Variants in OSBPL3 observed in about 807,000 individuals in gnomAD.
OSBPL3 encodes oxysterol-binding protein-related protein 3.
A neutral mutation model predicts 120.1 loss-of-function variants in OSBPL3; 65 were observed. That is an observed-to-expected ratio of 0.54 (90% confidence interval 0.44 to 0.67). The LOEUF (loss-of-function observed/expected upper bound fraction) is 0.67, where lower values mean the gene tolerates loss of function less well. OSBPL3 is among the 30% of genes least tolerant of loss of function. The pLI, the probability that OSBPL3 is intolerant of heterozygous loss-of-function variation, is 0.00. For synonymous variants in OSBPL3, 416 were observed against 402.6 expected (o/e 1.03, Z -0.40); for missense variants, 1,004 against 1,082.1 (o/e 0.93, Z 1.01).
In OSBPL3 at chr7:24,881,287, C is replaced by T. The variant is rs115008032; in HGVS notation, c.97-9218G>A. On this transcript the variant is annotated intron_variant, in intron 2 of 22. Transcript: ENST00000313367. The surrounding 1 kb of genome is among the most constrained non-coding windows in gnomAD (Gnocchi z 4.3). Reference sequence around the variant, plus strand: ...TCACAGTGCTACACAATAACTGGTTCTCATAATGAGAACCTAGTGACAATG... The same window carrying T: ...TCACAGTGCTACACAATAACTGGTTTTCATAATGAGAACCTAGTGACAATG... 0.012 allele frequency among the ~76,000 whole-genome samples: 1,807 copies of T among 152,246 alleles called. 45 individuals are homozygous for T. The highest frequency in any genetic ancestry group is 0.041 in the African/African-American group (1,722 of 41,544).
rs1207247589 is a variant in OSBPL3 at position 24,937,907 on chromosome 7, T to C, written c.-150+41979A>G. On this transcript the variant is annotated intron_variant, in intron 1 of 22. Transcript: ENST00000313367. This position sits in a 1 kb window ranked among gnomAD's most constrained non-coding sequence, Gnocchi z 4.0. ...TATGCTTCCAGAATCGAAAGGTATT[T>C]CCAAAGTATAATCCATGAATTAGGA... Among the ~76,000 whole-genome samples, 3 of 152,204 alleles carry C rather than the reference T, an allele frequency of 2.0e-5. No individual in the cohort carries two copies. Among genetic ancestry groups the C allele is most frequent in the African/African-American group, 7.2e-5 (3 of 41,452 alleles).
At chr7:24,800,446 T>A (rs1490526149) in intron 22 of OSBPL3, among the ~76,000 whole-genome samples, 167 bp from the exon 23 acceptor site, 1 of 149,374 alleles carries the variant, frequency 6.7e-6, no homozygotes, top group African/African-American at 2.5e-5. Context: ...CAGAAATAAT[T>A]TTGTTACTTT....
At chr7:24,880,213 G>T (rs557601878) in intron 2 of OSBPL3, among the ~76,000 whole-genome samples, 1 of 152,284 alleles carries the variant, frequency 6.6e-6, no homozygotes, top group East Asian at 1.9e-4. Flanking sequence ...TTACAGATGA[G>T]AAAATTGAAG....
rs1294150569 is a variant in OSBPL3 at position 24,805,878 on chromosome 7, T to TA, written c.2444+897dup. 2.0e-5 allele frequency among the ~76,000 whole-genome samples: 3 copies of TA among 152,264 alleles called. No individual in the cohort carries two copies. The highest frequency in any genetic ancestry group is 4.4e-5 in the Non-Finnish European group (3 of 68,050). Reference sequence around the variant, plus strand: ...GGCAATTCATGACATGAGTTGCAGATACGGACTTCTCCGTTTGTCATTTAT... The same window carrying TA: ...GGCAATTCATGACATGAGTTGCAGATAACGGACTTCTCCGTTTGTCATTTAT... On this transcript the variant is annotated intron_variant, in intron 21 of 22. Coordinates refer to ENST00000313367, the MANE Select transcript of OSBPL3 (RefSeq NM_015550.4). The surrounding 1 kb of genome is among the most constrained non-coding windows in gnomAD (Gnocchi z 4.0).
intron 1 of OSBPL3, among the ~76,000 whole-genome samples, chr7:24,923,290 C>G (rs562903245): frequency 1.3e-5 from 2 of 152,158 alleles, no homozygotes; most frequent in Admixed American, 1.3e-4. Flanking sequence ...CTCCTAGAAC[C>G]AGCCTCTTCC....
intron 1 of OSBPL3, among the ~76,000 whole-genome samples, chr7:24,970,099 CCTTTCTT>C (rs1438755719): frequency 2.1e-5 from 3 of 143,022 alleles, no homozygotes; most frequent in South Asian, 2.2e-4. Flanking sequence ...TCCCTTCGTC[CCTTTCTT>C]TTTTTTTTTT....
intron 1 of OSBPL3, chr7:24,906,501 T>C (rs113839781): frequency 5.6e-4 from 115 of 204,506 alleles, no homozygotes; most frequent in African/African-American, 2.6e-3. Flanking sequence ...TCTTTCATAT[T>C]CTCTTTGTAG....
rs376277463 is a variant in OSBPL3 at position 24,841,256 on chromosome 7, T to G, written c.1402-473A>C. On this transcript the variant is annotated intron_variant, in intron 13 of 22. Transcript: ENST00000313367. ...AAAGGATAATTTTTATGCATCAATT[T>G]AAAACAAATAATGCTATAAACCAAT... 2.9e-4 allele frequency among the ~76,000 whole-genome samples: 44 copies of G among 151,926 alleles called. 5 individuals carry two copies. The highest frequency in any genetic ancestry group is 1.7e-3 in the Admixed American group (26 of 15,242).
chr7:24,889,324 G>A (rs1804984407), intron 2 of OSBPL3, among the ~76,000 whole-genome samples: 1 of 152,184 alleles, frequency 6.6e-6, no homozygotes, highest in Non-Finnish European at 1.5e-5. Flanking sequence ...ACAGAGGATG[G>A]AATGGTAGTT....
At chr7:24,823,090 T>A in intron 16 of OSBPL3, among the ~76,000 whole-genome samples, 1 of 152,196 alleles carries the variant, frequency 6.6e-6, no homozygotes, top group South Asian at 2.1e-4. Flanking sequence ...TGCACTAGTG[T>A]CCGGGAACGA....
intron 10 of OSBPL3, among the ~76,000 whole-genome samples, chr7:24,860,463 T>C (rs887712758): frequency 1.3e-5 from 2 of 152,162 alleles, no homozygotes; most frequent in African/African-American, 4.8e-5. Flanking sequence ...TCTCATGAGA[T>C]CTGATGGTTT....
Position 24,938,779 on chromosome 7 carries a change from A to ATGTGTGTGTCTGTGTG in OSBPL3, c.-150+41106_-150+41107insCACACAGACACACACA, listed in dbSNP as rs1464067345. Among the ~76,000 whole-genome samples the ATGTGTGTGTCTGTGTG allele has an allele frequency of 1.4e-3, 135 of 94,250 alleles. 8 individuals are homozygous for ATGTGTGTGTCTGTGTG. The highest frequency in any genetic ancestry group is 4.5e-3 in the East Asian group (15 of 3,302). 61.8% of individuals were successfully genotyped at this position (94,250 alleles called of 152,430 possible). A position where few individuals can be genotyped will look rare whatever the true frequency, so the allele number is the denominator to read the frequency against. ...AACTGAATAATGAGGTTTTGTTTTG[A>ATGTGTGTGTCTGTGTG]TGTGTGTGTGTGTGTGTGTGTGTGT... On this transcript the variant is annotated intron_variant, in intron 1 of 22. Transcript: ENST00000313367. The surrounding 1 kb of genome is among the most constrained non-coding windows in gnomAD (Gnocchi z 5.8).
At chr7:24,950,449 G>A (rs566013748) in intron 1 of OSBPL3, among the ~76,000 whole-genome samples, 3 of 152,234 alleles carry the variant, frequency 2.0e-5, no homozygotes, top group South Asian at 2.1e-4. Flanking sequence ...TAGGCCGGGC[G>A]CGGTGGCTCA....
At chr7:24,843,018 A>G (rs1167664953) in intron 12 of OSBPL3, among the ~76,000 whole-genome samples, 1 of 152,130 alleles carries the variant, frequency 6.6e-6, no homozygotes, top group Non-Finnish European at 1.5e-5. Flanking sequence ...GGAAGTCCCC[A>G]GTCCTCTTTA....
Position 24,966,228 on chromosome 7 carries a change from C to T in OSBPL3, c.-150+13658G>A, listed in dbSNP as rs147146487. On this transcript the variant is annotated intron_variant, in intron 1 of 22. Transcript: ENST00000313367. The surrounding 1 kb of genome is among the most constrained non-coding windows in gnomAD (Gnocchi z 4.8). ...AAGAGAAATCCAGCACCTGCGGAGA[C>T]CACACACTGCACATTTTACAAAAGA... Among the ~76,000 whole-genome samples, 716 of 152,318 alleles carry T rather than the reference C, an allele frequency of 4.7e-3. 4 individuals are homozygous for T. Among genetic ancestry groups the T allele is most frequent in the Non-Finnish European group, 7.8e-3 (532 of 68,030 alleles).
In OSBPL3 at chr7:24,932,621, C is replaced by A. The variant is rs963061664; in HGVS notation, c.-149-40000G>T. On this transcript the variant is annotated intron_variant, in intron 1 of 22. Transcript: ENST00000313367. This position sits in a 1 kb window ranked among gnomAD's most constrained non-coding sequence, Gnocchi z 5.6. ...TCCCTTCCACCCTGTGAGCACACAG[C>A]AAAAAGGCACTGTCTACCAACCAAA... Among the ~76,000 whole-genome samples, 2 of 152,086 alleles carry A rather than the reference C, an allele frequency of 1.3e-5. No individual in the cohort carries two copies. The highest frequency in any genetic ancestry group is 2.9e-5 in the Non-Finnish European group (2 of 68,004).
intron 14 of OSBPL3, among the ~76,000 whole-genome samples, chr7:24,838,669 C>T (rs907357387): frequency 6.6e-6 from 1 of 152,214 alleles, no homozygotes; most frequent in South Asian, 2.1e-4. Flanking sequence ...ATTCCATTAA[C>T]TTTGTGCTTC....
At chr7:24,970,707 A>C (rs1816918481) in intron 1 of OSBPL3, among the ~76,000 whole-genome samples, 1 of 152,222 alleles carries the variant, frequency 6.6e-6, no homozygotes, top group African/African-American at 2.4e-5. Flanking sequence ...CCCTACTTCT[A>C]GGTAGCACCT....
chr7:24,863,707 T>A lies in OSBPL3; in HGVS notation c.674-108A>T. 1 of 722,910 alleles carries A rather than the reference T, an allele frequency of 1.4e-6. No homozygotes were observed. The highest frequency in any genetic ancestry group is 2.3e-6 in the Non-Finnish European group (1 of 425,662). The allele number at this position is 722,910 out of a possible 1,614,324, so 44.8% of individuals were successfully genotyped here. A position where few individuals can be genotyped will look rare whatever the true frequency, so the allele number is the denominator to read the frequency against. Reference sequence around the variant, plus strand: ...CTTATTTATCTGTAGTTGATTTTTTTTTTCATCTGTAAGGGTTGGAAATTT... The same window carrying A: ...CTTATTTATCTGTAGTTGATTTTTTATTTCATCTGTAAGGGTTGGAAATTT... On this transcript the variant is annotated intron_variant, in intron 7 of 22. Coordinates refer to ENST00000313367, the MANE Select transcript of OSBPL3 (RefSeq NM_015550.4). The surrounding 1 kb of genome is among the most constrained non-coding windows in gnomAD (Gnocchi z 5.8).
Sources: allele counts gnomAD v4.1 joint callset (sites outside exome capture counted in the v4.1 genomes callset), GRCh38; gene constraint gnomAD v4.1.1; non-coding constraint Gnocchi (gnomAD v3.1); transcripts MANE v1.5; gene names NCBI Gene and HGNC (gene_info 2026-07-23, HGNC 2026-07-21).